PCSK1: variants seen among roughly 807,000 people sequenced by gnomAD.
PCSK1 encodes the protein neuroendocrine convertase 1.
A neutral mutation model predicts 90.6 loss-of-function variants in PCSK1; 56 were observed. The observed-to-expected ratio is 0.62, with a 90% CI of 0.50 to 0.77. The LOEUF (loss-of-function observed/expected upper bound fraction) is 0.77, where lower values mean the gene tolerates loss of function less well. Among genes scored for constraint, PCSK1 ranks in the 30% least tolerant of loss-of-function variants. The pLI is 0.00. For synonymous variants in PCSK1, 348 were observed against 342.4 expected, an observed-to-expected ratio of 1.02 and a Z score of -0.18; for missense variants, 801 against 932.6, an observed-to-expected ratio of 0.86 and a Z score of 1.84.
chr5:96,415,100 A>G (rs1760898225), intron 6 of PCSK1, among the ~76,000 whole-genome samples: 1 of 152,182 alleles, frequency 6.6e-6, no homozygotes, highest in Non-Finnish European at 1.5e-5. Context: ...TGAAAGCCTG[A>G]GGTTGGGATA....
At position 96,413,963 on chromosome 5, in the gene PCSK1, C is replaced by CAA. The variant is rs61316405; in HGVS notation, c.710-1475_710-1474dup. 9.6e-3 allele frequency among the ~76,000 whole-genome samples: 216 copies of CAA among 22,422 alleles called. 6 individuals carry two copies. The highest frequency in any genetic ancestry group is 0.017 in the African/African-American group (172 of 10,384). 14.7% of individuals were successfully genotyped at this position (22,422 alleles called of 152,430 possible). On this transcript the variant is annotated intron_variant, in intron 6 of 13. Coordinates refer to ENST00000311106, the MANE Select transcript of PCSK1 (RefSeq NM_000439.5). ...TGAAACCCTGTCTCCACTAAAAATA[C>CAA]AAAAAAAAAAAAAAAAAAAAAAAAA...
intron 8 of PCSK1, 116 bp downstream of exon 8, chr5:96,410,658 A>T (rs564521745): frequency 7.0e-5 from 62 of 879,478 alleles, no homozygotes; most frequent in Non-Finnish European, 1.1e-4. Flanking sequence ...AGTTCTCCCA[A>T]CTGAGACATC....
Position 96,416,050 on chromosome 5 carries a change from T to A in PCSK1, c.692A>T (p.Tyr231Phe), listed in dbSNP as rs758570679. Residue 231 changes from tyrosine (Y) to phenylalanine (F), a missense_variant, in exon 6 of 14, where the codon TAC (tyrosine) becomes TTC (phenylalanine). Transcript: ENST00000311106. ...NNHKCGVGVA[Y>F]NSKVGGIRML... ...TGTTTTACCTCCAACTTTGGAATTG[T>A]ATGCAACTCCAACCCCGCATTTGTG... The A allele has an allele frequency of 1.9e-6, 3 of 1,608,296 alleles. No homozygotes were observed. The highest frequency in any genetic ancestry group is 2.6e-6 in the Non-Finnish European group (3 of 1,174,790).
At chr5:96,408,142 A>C in intron 9 of PCSK1, 81 bp downstream of exon 9, 2 of 977,664 alleles carry the variant, frequency 2.0e-6, no homozygotes, top group Non-Finnish European at 3.2e-6. Context: ...TCCTGTAACC[A>C]TGTATTCAGA....
chr5:96,410,338 G>A (rs1760713489), intron 8 of PCSK1, among the ~76,000 whole-genome samples: 1 of 152,062 alleles, frequency 6.6e-6, no homozygotes, highest in Non-Finnish European at 1.5e-5. Flanking sequence ...AGACATAGCT[G>A]GTGTAGACTC....
At chr5:96,415,934 T>C in intron 6 of PCSK1, 99 bp downstream of exon 6, 1 of 793,908 alleles carries the variant, frequency 1.3e-6, no homozygotes, top group Non-Finnish European at 2.3e-6. Context: ...AATTTGTTCC[T>C]CCAGTTGTTA....
chr5:96,423,665 C>A lies in PCSK1; in HGVS notation c.397-206G>T, dbSNP rs536389435. On this transcript the variant is annotated intron_variant, in intron 3 of 13. Coordinates refer to ENST00000311106, the MANE Select transcript of PCSK1 (RefSeq NM_000439.5). Reference sequence around the variant, plus strand: ...AGTGCTGCTCTTCTCCCGATTGTCCCAAATGGACATCACTTGAAAAGATGA... The same window carrying A: ...AGTGCTGCTCTTCTCCCGATTGTCCAAAATGGACATCACTTGAAAAGATGA... 4.1e-4 allele frequency among the ~76,000 whole-genome samples: 63 copies of A among 152,302 alleles called. 1 individual carries two copies. Among genetic ancestry groups the A allele is most frequent in the Admixed American group, 1.3e-3 (20 of 15,302 alleles).
rs373029530 is a variant in PCSK1, at chr5:96,392,965, G to A, written c.*36C>T. On this transcript the variant is annotated 3_prime_UTR_variant, in exon 14 of 14. Coordinates refer to ENST00000311106, the MANE Select transcript of PCSK1 (RefSeq NM_000439.5). Reference sequence around the variant, plus strand: ...GGCAAAATCGCAGGGTAAGGAAGAAGCATGAATATTTCCAACTTGGGACCA... The same window carrying A: ...GGCAAAATCGCAGGGTAAGGAAGAAACATGAATATTTCCAACTTGGGACCA... 8 of 1,609,084 alleles carry A rather than the reference G, an allele frequency of 5.0e-6. No individual in the cohort carries two copies. The highest frequency in any genetic ancestry group is 6.8e-6 in the Non-Finnish European group (8 of 1,175,710).
intron 5 of PCSK1, among the ~76,000 whole-genome samples, chr5:96,421,204 T>C (rs1209887013): frequency 1.3e-5 from 2 of 152,200 alleles, no homozygotes; most frequent in Admixed American, 6.5e-5. Flanking sequence ...AAGATCTTGC[T>C]CTTGGCCTCT....
intron 8 of PCSK1, among the ~76,000 whole-genome samples, chr5:96,410,247 G>A (rs1161179231): frequency 2.0e-5 from 3 of 152,052 alleles, no homozygotes; most frequent in Admixed American, 1.3e-4. Flanking sequence ...CGACCTCCCC[G>A]AGCTGCTTAC....
At chr5:96,402,591 A>C (rs1760420003) in intron 9 of PCSK1, among the ~76,000 whole-genome samples, 1 of 152,178 alleles carries the variant, frequency 6.6e-6, no homozygotes, top group Non-Finnish European at 1.5e-5. Flanking sequence ...CTCCCTCAGC[A>C]GTGAGATGAC....
chr5:96,412,242 C>T (rs1760778891), intron 7 of PCSK1, 76 bp downstream of exon 7: 2 of 1,211,422 alleles, frequency 1.7e-6, no homozygotes, highest in Non-Finnish European at 2.5e-6. Context: ...TTCCATGTAA[C>T]CTAAGTGTTC....
intron 6 of PCSK1, among the ~76,000 whole-genome samples, chr5:96,413,731 C>T (rs1195906910): frequency 6.8e-6 from 1 of 146,988 alleles, no homozygotes; most frequent in Non-Finnish European, 1.5e-5. Context: ...ACCTGGGAGG[C>T]AGAGGTTGCA....
intron 5 of PCSK1, 38 bp from the exon 6 acceptor site, chr5:96,416,159 A>C: frequency 7.2e-7 from 1 of 1,384,498 alleles, no homozygotes; most frequent in Non-Finnish European, 1.0e-6. Context: ...AACATACAGA[A>C]GAACAAACAT....
chr5:96,432,199 GAA>G, intron 1 of PCSK1: 1 of 1,394,220 alleles, frequency 7.2e-7, no homozygotes, highest in Non-Finnish European at 9.8e-7. Flanking sequence ...AGTTCCCAGT[GAA>G]AAGCCGGAGC....
chr5:96,426,549 C>T (rs759905851), intron 2 of PCSK1, among the ~76,000 whole-genome samples: 3 of 152,176 alleles, frequency 2.0e-5, no homozygotes, highest in Non-Finnish European at 4.4e-5. Flanking sequence ...AATTCAGTCT[C>T]ATGTATTATG....
intron 2 of PCSK1, among the ~76,000 whole-genome samples, chr5:96,426,566 G>T (rs997432861): frequency 1.3e-5 from 2 of 152,100 alleles, no homozygotes; most frequent in Non-Finnish European, 2.9e-5. Flanking sequence ...TATGCAAAGA[G>T]ATCTGACAAT....
At chr5:96,422,919 C>T (rs1761172780) in intron 4 of PCSK1, among the ~76,000 whole-genome samples, 1 of 144,988 alleles carries the variant, frequency 6.9e-6, no homozygotes, top group Non-Finnish European at 1.5e-5. Flanking sequence ...TATAATTTTA[C>T]AATGTCAGGG....
chr5:96,406,420 G>A (rs1760565317), intron 9 of PCSK1, among the ~76,000 whole-genome samples: 1 of 152,078 alleles, frequency 6.6e-6, no homozygotes, highest in Non-Finnish European at 1.5e-5. Flanking sequence ...CTTTTCTGGA[G>A]GGCCCAATAT....
Sources: gnomAD v4.1 joint callset for allele counts (sites outside exome capture counted in the v4.1 genomes callset) on GRCh38, gnomAD v4.1.1 for gene constraint, MANE v1.5 for transcripts, NCBI Gene and HGNC (gene_info 2026-07-23, HGNC 2026-07-21) for gene names.